The following TSPAN4 variants were observed in gnomAD, a reference collection of about 807,000 sequenced individuals.
The protein encoded by TSPAN4 is tetraspanin 4, also known as tetraspanin-4.
Under a neutral mutation model 31.5 loss-of-function variants are expected in TSPAN4, and 38 were observed. That is an observed-to-expected ratio of 1.21 (90% confidence interval 0.93 to 1.58). The LOEUF (loss-of-function observed/expected upper bound fraction) is 1.58, where lower values mean the gene tolerates loss of function less well. TSPAN4 is among the 40% of genes most tolerant of loss of function. TSPAN4 has a pLI of 0.00. For missense variants in TSPAN4, 330 were observed against 317.3 expected, an observed-to-expected ratio of 1.04 and a Z score of -0.30; for synonymous variants, 186 against 144.6, an observed-to-expected ratio of 1.29 and a Z score of -2.06.
intron 3 of TSPAN4, among the ~76,000 whole-genome samples, chr11:854,004 C>A (rs913853309): frequency 6.6e-6 from 1 of 152,180 alleles, no homozygotes; most frequent in African/African-American, 2.4e-5. Flanking sequence ...GCCCTGGGAC[C>A]CCCACCTTCA....
chr11:866,463 G>T, intron 8 of TSPAN4, 99 bp from the exon 9 acceptor site: 2 of 1,135,476 alleles, frequency 1.8e-6, no homozygotes, highest in East Asian at 2.6e-5. Flanking sequence ...CCTGGGGTCG[G>T]GGTCAGGGCC....
chr11:843,318 GA>G (rs1847079426), intron 1 of TSPAN4: 1 of 152,288 alleles, frequency 6.6e-6, no homozygotes, highest in South Asian at 2.1e-4. Flanking sequence ...TCTTTCCCGG[GA>G]ATGGGGTCGG....
intron 2 of TSPAN4, among the ~76,000 whole-genome samples, chr11:847,547 C>T (rs1272634252): frequency 3.3e-5 from 5 of 152,230 alleles, no homozygotes; most frequent in South Asian, 4.1e-4. Flanking sequence ...CCCCTGACTG[C>T]GTCTGGGCAA....
intron 3 of TSPAN4, among the ~76,000 whole-genome samples, chr11:861,819 C>G (rs1848475284): frequency 6.6e-6 from 1 of 152,046 alleles, no homozygotes; most frequent in Admixed American, 6.5e-5. Context: ...ACTTGGGAGG[C>G]TGAGGCAGGA....
chr11:856,582 G>A (rs1848057165), intron 3 of TSPAN4, among the ~76,000 whole-genome samples: 1 of 152,232 alleles, frequency 6.6e-6, no homozygotes, highest in Admixed American at 6.5e-5. Flanking sequence ...AGGGAGGGAG[G>A]CTTTCAGCCT....
rs199863038 is a variant in TSPAN4, at chr11:850,265, C to T, written c.-17-23C>T. Reference sequence around the variant, plus strand: ...ACAAGTACGTGGTTTTCTACCTGGACCTCTCCTTCATCTTCCTCCTAGAAC... The same window carrying T: ...ACAAGTACGTGGTTTTCTACCTGGATCTCTCCTTCATCTTCCTCCTAGAAC... On this transcript the variant is annotated intron_variant, in intron 2 of 8. Transcript: ENST00000397397. 1,261 of 1,586,026 alleles carry T rather than the reference C, an allele frequency of 8.0e-4. 7 individuals carry two copies. Among genetic ancestry groups the T allele is most frequent in the Middle Eastern group, 1.3e-3 (8 of 6,014 alleles).
At chr11:860,199 C>T (rs1848376626) in intron 3 of TSPAN4, among the ~76,000 whole-genome samples, 2 of 152,310 alleles carry the variant, frequency 1.3e-5, no homozygotes, top group African/African-American at 2.4e-5. Context: ...ATGGCCTGAG[C>T]GTGTGTGGGA....
In TSPAN4 at chr11:848,812, A is replaced by G. The variant is rs984868220; in HGVS notation, c.-17-1476A>G. ...CCCTGTGGTGGGGCTGGGGCTTCAG[A>G]GGCGTGGGGTAGGCTGCAGGGCACA... On this transcript the variant is annotated intron_variant, in intron 2 of 8. Coordinates refer to ENST00000397397, the MANE Select transcript of TSPAN4 (RefSeq NM_003271.5). This position sits in a 1 kb window ranked among gnomAD's most constrained non-coding sequence, Gnocchi z 5.7. 7 of 614,966 alleles carry G rather than the reference A, an allele frequency of 1.1e-5. No homozygotes were observed. The highest frequency in any genetic ancestry group is 2.8e-5 in the Admixed American group (1 of 35,262). The allele number at this position is 614,966 out of a possible 1,614,324, so 38.1% of individuals were successfully genotyped here.
chr11:850,119 C>T (rs570240647), intron 2 of TSPAN4, 169 bp from the exon 3 acceptor site: 5 of 491,432 alleles, frequency 1.0e-5, no homozygotes, highest in Admixed American at 8.2e-5. Flanking sequence ...CGGCCCCTTC[C>T]GGCGCTACAG....
intron 2 of TSPAN4, 127 bp from the exon 3 acceptor site, chr11:850,161 G>A (rs2133998072): frequency 2.8e-6 from 2 of 703,954 alleles, no homozygotes; most frequent in Non-Finnish European, 4.5e-6. Flanking sequence ...CGGCGGGGAC[G>A]CCGGGGGCTC....
intron 7 of TSPAN4, 21 bp downstream of exon 7, chr11:865,846 G>A (rs1174351179): frequency 1.9e-6 from 3 of 1,612,132 alleles, no homozygotes. Flanking sequence ...CCCCCACCCT[G>A]GGGGCTGGTA....
intron 3 of TSPAN4, among the ~76,000 whole-genome samples, chr11:858,860 A>G (rs1247020860): frequency 2.3e-5 from 2 of 88,792 alleles, no homozygotes; most frequent in East Asian, 6.7e-4. Context: ...GCTCCCATGC[A>G]CCCCCGGCTC....
Position 858,905 on chromosome 11 carries a change from C to G in TSPAN4, c.64-3645C>G, listed in dbSNP as rs371822477. Among the ~76,000 whole-genome samples, 280 of 142,702 alleles carry G rather than the reference C, an allele frequency of 2.0e-3. 3 individuals carry two copies. Among genetic ancestry groups the G allele is most frequent in the African/African-American group, 7.0e-3 (265 of 37,768 alleles). The allele number at this position is 142,702 out of a possible 152,430, so 93.6% of individuals were successfully genotyped here. A position where few individuals can be genotyped will look rare whatever the true frequency, so the allele number is the denominator to read the frequency against. On this transcript the variant is annotated intron_variant, in intron 3 of 8. Transcript: ENST00000397397. ...CCTGGGTCACACGCATCCCCGCTCACACGCACCCCAGCTCTCACGCACCCC... is the reference window on the plus strand; with the variant it reads ...CCTGGGTCACACGCATCCCCGCTCAGACGCACCCCAGCTCTCACGCACCCC...
chr11:852,661 T>A (rs1471647836), intron 3 of TSPAN4, among the ~76,000 whole-genome samples: 2 of 152,248 alleles, frequency 1.3e-5, no homozygotes, highest in East Asian at 3.9e-4. Flanking sequence ...TGAGGCTATT[T>A]CAGGAGTCAG....
chr11:844,622 C>CA (rs1847191980), intron 1 of TSPAN4: 1 of 135,346 alleles, frequency 7.4e-6, no homozygotes, highest in Admixed American at 7.5e-5. Context: ...GGTGGCGGGG[C>CA]AGGGCACTGT....
intron 3 of TSPAN4, among the ~76,000 whole-genome samples, chr11:853,238 C>A (rs963731055): frequency 3.3e-5 from 5 of 152,136 alleles, no homozygotes; most frequent in African/African-American, 1.2e-4. Context: ...TGCCCTTAAC[C>A]CCAGCCTGGC....
At chr11:855,032 C>T (rs564732385) in intron 3 of TSPAN4, among the ~76,000 whole-genome samples, 6 of 152,310 alleles carry the variant, frequency 3.9e-5, no homozygotes, top group East Asian at 3.9e-4. Context: ...GGAGCAGCAG[C>T]GGTCGGTCGG....
intron 4 of TSPAN4, chr11:864,082 G>C: frequency 2.8e-6 from 1 of 354,062 alleles, no homozygotes; most frequent in South Asian, 3.8e-5. Context: ...AGAGGCCCCT[G>C]GATGGAGGTG....
At chr11:856,020 T>C (rs61867550) in intron 3 of TSPAN4, among the ~76,000 whole-genome samples, 4,536 of 152,254 alleles carry the variant, frequency 0.03, 96 homozygotes, top group Non-Finnish European at 0.047. Flanking sequence ...CTCCAGTGAC[T>C]GCACCCCTGC....
Sources: allele counts gnomAD v4.1 joint callset (sites outside exome capture counted in the v4.1 genomes callset), GRCh38; gene constraint gnomAD v4.1.1; non-coding constraint Gnocchi (gnomAD v3.1); transcripts MANE v1.5; gene names NCBI Gene and HGNC (gene_info 2026-07-23, HGNC 2026-07-21).